GLE1: variants seen among roughly 807,000 people sequenced by gnomAD.
The protein encoded by GLE1 is GLE1 RNA export mediator.
Under a neutral mutation model 97.3 loss-of-function variants are expected in GLE1, and 78 were observed. That is an observed-to-expected ratio of 0.80 (90% CI 0.67 to 0.97). GLE1 has a LOEUF of 0.97. GLE1 is among the 50% of genes least tolerant of loss of function. The pLI is 0.00. For synonymous variants in GLE1, 302 were observed against 313.4 expected (o/e 0.96, Z 0.39); for missense variants, 753 against 857.5 (o/e 0.88, Z 1.52).
intron 9 of GLE1, among the ~76,000 whole-genome samples, chr9:128,529,859 C>T (rs908470514): frequency 6.6e-6 from 1 of 152,024 alleles, no homozygotes; most frequent in Non-Finnish European, 1.5e-5. Context: ...TCAGTGCAAG[C>T]TCCACCTCCC....
At chr9:128,525,461 G>C in intron 7 of GLE1, 38 bp downstream of exon 7, 1 of 1,237,720 alleles carries the variant, frequency 8.1e-7, no homozygotes, top group Non-Finnish European at 1.2e-6. Context: ...TAACTCGTAA[G>C]TTTCAAATGT....
chr9:128,529,725 C>T (rs571088120), intron 9 of GLE1, among the ~76,000 whole-genome samples: 1 of 151,822 alleles, frequency 6.6e-6, no homozygotes, highest in South Asian at 2.1e-4. Context: ...TCTCTCTCCC[C>T]TTTGTGGGTT....
chr9:128,504,933 CT>C, intron 1 of GLE1, 29 bp downstream of exon 1: 1 of 1,455,796 alleles, frequency 6.9e-7, no homozygotes, highest in Non-Finnish European at 9.7e-7. Flanking sequence ...GGACGTAGGC[CT>C]TTCCGGCCCC....
At chr9:128,508,371 C>T (rs1057313870) in intron 1 of GLE1, among the ~76,000 whole-genome samples, 8 of 152,106 alleles carry the variant, frequency 5.3e-5, no homozygotes, top group Non-Finnish European at 1.2e-4. Flanking sequence ...GGTCACTGCA[C>T]TCCAGCCTGG....
intron 3 of GLE1, among the ~76,000 whole-genome samples, chr9:128,520,340 A>G (rs1847110469): frequency 6.7e-6 from 1 of 148,396 alleles, no homozygotes; most frequent in South Asian, 2.1e-4. Flanking sequence ...GTATATGTGT[A>G]TATGTGTATA....
chr9:128,521,022 C>T (rs566187143), intron 3 of GLE1, among the ~76,000 whole-genome samples: 7 of 152,178 alleles, frequency 4.6e-5, no homozygotes, highest in African/African-American at 1.2e-4. Flanking sequence ...TTGGCCTCCT[C>T]AAGTGCTGGG....
intron 2 of GLE1, among the ~76,000 whole-genome samples, chr9:128,515,097 G>A (rs1475745944): frequency 6.6e-6 from 1 of 152,194 alleles, no homozygotes; most frequent in Non-Finnish European, 1.5e-5. Context: ...GGGATTACAG[G>A]CGTGAGCCAC....
chr9:128,533,502 A>G lies in GLE1; in HGVS notation c.1313-11A>G, dbSNP rs775477846. 4 of 1,603,354 alleles carry G rather than the reference A, an allele frequency of 2.5e-6. No individual in the cohort carries two copies. Among genetic ancestry groups the G allele is most frequent in the African/African-American group, 1.3e-5 (1 of 74,584 alleles). On this transcript the variant is annotated splice_polypyrimidine_tract_variant and intron_variant, in intron 9 of 15. Coordinates refer to ENST00000309971, the MANE Select transcript of GLE1 (RefSeq NM_001003722.2). ...TGGTTATATCTTTTAATTTCTCTCTATCATGCTCAGGCTCAAAACTGAAGG... is the reference window on the plus strand; with the variant it reads ...TGGTTATATCTTTTAATTTCTCTCTGTCATGCTCAGGCTCAAAACTGAAGG...
In GLE1 at chr9:128,527,520, T is replaced by C; in HGVS notation, c.1307T>C (p.Ile436Thr). ...ATCCCAGTGAGCCAAATCTCTACCA[T>C]TGCAGGTTGGTCAGAGGGGTTGAGA... ...ATIPVSQIST[I>T]AGSKLKEIFD... The change falls in exon 9 of 16, where the codon ATT (isoleucine) becomes ACT (threonine). Residue 436 changes from isoleucine to threonine, a missense_variant. Transcript: ENST00000309971. 2 of 1,604,750 alleles carry C rather than the reference T, an allele frequency of 1.2e-6. No homozygotes were observed. Among genetic ancestry groups the C allele is most frequent in the South Asian group, 1.1e-5 (1 of 90,896 alleles).
chr9:128,539,855 G>C, intron 14 of GLE1, 157 bp downstream of exon 14: 1 of 1,524,536 alleles, frequency 6.6e-7, no homozygotes, highest in Non-Finnish European at 8.8e-7. Flanking sequence ...GTTGATATTT[G>C]AATAAATGCT....
chr9:128,504,994 AC>A, intron 1 of GLE1, 90 bp downstream of exon 1: 1 of 829,344 alleles, frequency 1.2e-6, no homozygotes, highest in African/African-American at 1.7e-5. Flanking sequence ...GCTCCCGGGA[AC>A]CCGTGCAGTC....
intron 1 of GLE1, among the ~76,000 whole-genome samples, chr9:128,506,748 G>C (rs1197991819): frequency 6.6e-6 from 1 of 151,474 alleles, no homozygotes; most frequent in Non-Finnish European, 1.5e-5. Flanking sequence ...TTTATGTACT[G>C]TCTATTTGTG....
At chr9:128,505,167 C>T (rs1024479091) in intron 1 of GLE1, among the ~76,000 whole-genome samples, 8 of 152,234 alleles carry the variant, frequency 5.3e-5, no homozygotes, top group Admixed American at 5.2e-4. Context: ...TGGGCGCCTT[C>T]TCCGTTCTGC....
In GLE1 at chr9:128,504,810, C is replaced by T. The variant is rs150246404; in HGVS notation, c.5C>T (p.Pro2Leu). Residue 2 changes from proline (P) to leucine (L), a missense_variant, in exon 1 of 16, where the codon CCG (proline) becomes CTG (leucine). Transcript: ENST00000309971. M[P>L]SEGRCWETLK... ...GAAGCTGCCCCTTAGCCAACCATGC[C>T]GTCTGAGGGTCGCTGCTGGGAGACC... 3 of 1,605,868 alleles carry T rather than the reference C, an allele frequency of 1.9e-6. No individual in the cohort carries two copies. The highest frequency in any genetic ancestry group is 2.6e-6 in the Non-Finnish European group (3 of 1,172,532).
At chr9:128,504,952 C>T (rs917432401) in intron 1 of GLE1, 48 bp downstream of exon 1, 10 of 1,251,252 alleles carry the variant, frequency 8.0e-6, no homozygotes, top group East Asian at 6.9e-5. Context: ...CCCTCGCGAC[C>T]GAAACCTTCT....
Position 128,525,276 on chromosome 9 carries a change from G to A in GLE1, c.982G>A (p.Glu328Lys). The change falls in exon 7 of 16, where the codon GAG becomes AAG. Residue 328 changes from glutamate to lysine, a missense_variant. Glu to Lys is a moderately conservative substitution (Grantham distance 56, BLOSUM62 1). Transcript: ENST00000309971. Reference protein sequence around the residue: ...MRDLLMNLGQEITRACEDKRR... With the variant: ...MRDLLMNLGQKITRACEDKRR... ...GGACCTCCTGATGAACTTGGGGCAG[G>A]AGATCACCAGAGCCTGCGAAGACAA... The A allele has an allele frequency of 6.2e-7, 1 of 1,614,150 alleles. No individual in the cohort carries two copies. Among genetic ancestry groups the A allele is most frequent in the Non-Finnish European group, 8.5e-7 (1 of 1,179,994 alleles).
chr9:128,507,609 C>T (rs1050282928), intron 1 of GLE1, among the ~76,000 whole-genome samples: 17 of 148,732 alleles, frequency 1.1e-4, no homozygotes, highest in Non-Finnish European at 1.9e-4. Flanking sequence ...AAAAAATAGT[C>T]GGGCGTGGTG....
At chr9:128,521,391 C>T (rs916134065) in intron 3 of GLE1, among the ~76,000 whole-genome samples, 1 of 151,790 alleles carries the variant, frequency 6.6e-6, no homozygotes, top group Non-Finnish European at 1.5e-5. Context: ...AAAATTAGCC[C>T]CGTGTGATAG....
intron 2 of GLE1, among the ~76,000 whole-genome samples, chr9:128,510,072 T>C (rs1413807525): frequency 6.6e-6 from 1 of 152,164 alleles, no homozygotes; most frequent in Non-Finnish European, 1.5e-5. Flanking sequence ...CCTCCCTTTT[T>C]TTTGAGCTGA....
Sources: allele counts gnomAD v4.1 joint callset (sites outside exome capture counted in the v4.1 genomes callset), GRCh38; gene constraint gnomAD v4.1.1; transcripts MANE v1.5; gene names NCBI Gene and HGNC (gene_info 2026-07-23, HGNC 2026-07-21).